The following PTPN13 variants were observed in gnomAD, a reference collection of about 807,000 sequenced individuals.
PTPN13 encodes the protein tyrosine-protein phosphatase non-receptor type 13.
A neutral mutation model predicts 284.0 loss-of-function variants in PTPN13; 191 were observed. The ratio of observed to expected loss-of-function variants is 0.67; its 90% confidence interval spans 0.60 to 0.76. The LOEUF is 0.76. Ranked by LOEUF, PTPN13 falls within the 30% of genes least tolerant of loss-of-function variation. PTPN13 has a pLI of 0.00. For missense variants in PTPN13, 2,797 were observed against 2,939.9 expected, an observed-to-expected ratio of 0.95 and a Z score of 1.12; for synonymous variants, 986 against 1,022.3, an observed-to-expected ratio of 0.96 and a Z score of 0.68.
intron 20 of PTPN13, among the ~76,000 whole-genome samples, chr4:86,754,880 G>C (rs890918527): frequency 5.9e-5 from 9 of 152,000 alleles, no homozygotes; most frequent in Non-Finnish European, 1.2e-4. Context: ...CCTTCATATA[G>C]AGGTATGCCT....
chr4:86,680,691 A>G (rs962823855), intron 3 of PTPN13, among the ~76,000 whole-genome samples: 5 of 152,126 alleles, frequency 3.3e-5, no homozygotes, highest in South Asian at 4.1e-4. Context: ...TTTTTACCCA[A>G]TGAAGTACAG....
chr4:86,763,320 A>G (rs1333575254), intron 24 of PTPN13, 130 bp downstream of exon 24: 2 of 779,876 alleles, frequency 2.6e-6, no homozygotes, highest in South Asian at 1.9e-5. Context: ...TATATCTTCT[A>G]ATTGCTACTG....
At chr4:86,790,623 C>T (rs1258169240) in intron 40 of PTPN13, among the ~76,000 whole-genome samples, 3 of 152,074 alleles carry the variant, frequency 2.0e-5, no homozygotes, top group Non-Finnish European at 4.4e-5. Flanking sequence ...GGAGAAGACA[C>T]AATGCTGAAT....
intron 1 of PTPN13, among the ~76,000 whole-genome samples, chr4:86,626,840 T>G (rs1721895434): frequency 6.6e-6 from 1 of 152,118 alleles, no homozygotes; most frequent in Non-Finnish European, 1.5e-5. Context: ...AACCCCTACG[T>G]TACTCAAGGG....
chr4:86,806,875 G>A (rs1477930790), intron 44 of PTPN13, among the ~76,000 whole-genome samples: 1 of 152,140 alleles, frequency 6.6e-6, no homozygotes, highest in African/African-American at 2.4e-5. Context: ...TAACCTCAGT[G>A]AATGATAGCT....
chr4:86,735,754 T>A lies in PTPN13; in HGVS notation c.2304+8T>A. The A allele has an allele frequency of 6.2e-7, 1 of 1,605,378 alleles. No individual in the cohort carries two copies. On this transcript the variant is annotated splice_region_variant and intron_variant, in intron 15 of 47. Transcript: ENST00000411767. ...GAGTTAGAATTTTTAAAGGTAAGCATCCAAGATTACAAATGATAAGCTTTG... is the reference window on the plus strand; with the variant it reads ...GAGTTAGAATTTTTAAAGGTAAGCAACCAAGATTACAAATGATAAGCTTTG...
At chr4:86,685,998 A>C (rs900876810) in intron 3 of PTPN13, among the ~76,000 whole-genome samples, 6 of 152,204 alleles carry the variant, frequency 3.9e-5, no homozygotes, top group South Asian at 2.1e-4. Context: ...CACTAATGGA[A>C]TTCTATATAC....
In PTPN13 at chr4:86,776,763, G is replaced by T. The variant is rs1466455878; in HGVS notation, c.5891+1111G>T. On this transcript the variant is annotated intron_variant, in intron 35 of 47. Coordinates refer to ENST00000411767, the MANE Select transcript of PTPN13 (RefSeq NM_080683.3). The stretch of plus-strand genomic sequence containing the variant: ...AACACAAAGCTTATTTTATAATAAA[G>T]TGTTGAATATCTCATGTAATTTATT... Among the ~76,000 whole-genome samples the T allele has an allele frequency of 4.6e-5, 7 of 152,326 alleles. No individual in the cohort carries two copies. In the East Asian group the frequency reaches 1.3e-3, roughly 29 times the overall value.
At chr4:86,774,980 G>A (rs1740456445) in intron 33 of PTPN13, among the ~76,000 whole-genome samples, 191 bp from the exon 34 acceptor site, 1 of 152,060 alleles carries the variant, frequency 6.6e-6, no homozygotes, top group Non-Finnish European at 1.5e-5. Flanking sequence ...TTATTTCATT[G>A]TAATGGCTTG....
At chr4:86,780,274 C>A in intron 35 of PTPN13, 128 bp from the exon 36 acceptor site, 1 of 722,030 alleles carries the variant, frequency 1.4e-6, no homozygotes, top group Non-Finnish European at 2.4e-6. Flanking sequence ...GTGGCACATG[C>A]CTGTGGTCCC....
intron 47 of PTPN13, among the ~76,000 whole-genome samples, chr4:86,814,000 C>CTTT (rs535405150): frequency 2.5e-4 from 25 of 100,052 alleles, no homozygotes; most frequent in Non-Finnish European, 3.3e-4. Flanking sequence ...TACCCTGCTT[C>CTTT]TTTTTTTTTT....
chr4:86,784,534 T>A lies in PTPN13; in HGVS notation c.6094T>A (p.Ser2032Thr). 6.2e-7 allele frequency: 1 copy of A among 1,607,932 alleles called. No individual in the cohort carries two copies. Among genetic ancestry groups the A allele is most frequent in the Non-Finnish European group, 8.5e-7 (1 of 1,177,702 alleles). Residue 2032 changes from serine (S) to threonine (T), a missense_variant, in exon 38 of 48, where the codon TCA becomes ACA. Coordinates refer to ENST00000411767, the MANE Select transcript of PTPN13 (RefSeq NM_080683.3). ...ATGTTCTACTTATCAGATAAAGGGATCACCAAACTTGACTCTGCCCAAAGG... is the reference window on the plus strand; with the variant it reads ...ATGTTCTACTTATCAGATAAAGGGAACACCAAACTTGACTCTGCCCAAAGG... Reference protein sequence around the residue: ...GKCSTYQIKGSPNLTLPKESY... With the variant: ...GKCSTYQIKGTPNLTLPKESY...
intron 2 of PTPN13, among the ~76,000 whole-genome samples, chr4:86,647,170 G>A (rs147298313): frequency 6.6e-6 from 1 of 152,164 alleles, no homozygotes; most frequent in East Asian, 1.9e-4. Context: ...AGTTTCACAG[G>A]CATATTCATA....
intron 35 of PTPN13, among the ~76,000 whole-genome samples, chr4:86,778,312 A>G (rs1740882031): frequency 6.6e-6 from 1 of 152,226 alleles, no homozygotes; most frequent in South Asian, 2.1e-4. Flanking sequence ...TCTTTGTTAC[A>G]TGGATACTGG....
chr4:86,658,970 A>G (rs1726169821), intron 2 of PTPN13, among the ~76,000 whole-genome samples: 2 of 152,190 alleles, frequency 1.3e-5, no homozygotes, highest in South Asian at 4.1e-4. Context: ...AAATAAGGTC[A>G]GAATTTGGTA....
intron 1 of PTPN13, among the ~76,000 whole-genome samples, chr4:86,608,829 A>G (rs1190879324): frequency 6.6e-6 from 1 of 152,182 alleles, no homozygotes; most frequent in Non-Finnish European, 1.5e-5. Flanking sequence ...TTTATGACCA[A>G]GTCTTCATTA....
intron 3 of PTPN13, 73 bp downstream of exon 3, chr4:86,672,616 T>A: frequency 1.7e-6 from 2 of 1,194,724 alleles, no homozygotes; most frequent in Non-Finnish European, 2.3e-6. Flanking sequence ...TGGGCTACCA[T>A]GTTTCAACCC....
chr4:86,763,913 G>A (rs1469201408), intron 24 of PTPN13, among the ~76,000 whole-genome samples: 1 of 152,078 alleles, frequency 6.6e-6, no homozygotes, highest in Non-Finnish European at 1.5e-5. Context: ...AGATAAGGAA[G>A]GGAAGAAAGA....
At chr4:86,770,309 G>GCT in intron 30 of PTPN13, 110 bp downstream of exon 30, 1 of 990,732 alleles carries the variant, frequency 1.0e-6, no homozygotes, top group African/African-American at 1.6e-5. Context: ...TTCATACCTA[G>GCT]CTACTTGTTT....
Sources: gnomAD v4.1 joint callset for allele counts (sites outside exome capture counted in the v4.1 genomes callset) on GRCh38, gnomAD v4.1.1 for gene constraint, MANE v1.5 for transcripts, NCBI Gene and HGNC (gene_info 2026-07-23, HGNC 2026-07-21) for gene names.